TMEM178B: variants seen among roughly 807,000 people sequenced by gnomAD.
The protein encoded by TMEM178B is transmembrane protein 178B.
In TMEM178B, 5 loss-of-function variants were observed where a neutral mutation model predicts 31.0. The ratio of observed to expected loss-of-function variants is 0.16; its 90% CI spans 0.08 to 0.34. The LOEUF is 0.34. TMEM178B is among the 10% of genes least tolerant of loss of function. The pLI is 1.00. For synonymous variants in TMEM178B, 164 were observed against 164.0 expected, an observed-to-expected ratio of 1.00 and a Z score of 0.00; for missense variants, 275 against 400.3, an observed-to-expected ratio of 0.69 and a Z score of 2.67.
chr7:141,419,017 C>A (rs1456071032), intron 2 of TMEM178B, among the ~76,000 whole-genome samples: 1 of 152,178 alleles, frequency 6.6e-6, no homozygotes, highest in African/African-American at 2.4e-5. Flanking sequence ...AAGTGATTAT[C>A]CTGCCTCAGC....
intron 2 of TMEM178B, among the ~76,000 whole-genome samples, chr7:141,315,504 C>T (rs1179716006): frequency 6.7e-6 from 1 of 148,908 alleles, no homozygotes; most frequent in Non-Finnish European, 1.5e-5. Flanking sequence ...GCAAATCTTA[C>T]CCCTTCTTCA....
chr7:141,285,872 C>G (rs1271179550), intron 2 of TMEM178B, among the ~76,000 whole-genome samples: 2 of 152,138 alleles, frequency 1.3e-5, no homozygotes, highest in Non-Finnish European at 2.9e-5. Flanking sequence ...TGTTCTCACT[C>G]ATAAGTGGGA....
chr7:141,274,777 G>A (rs1234043729), intron 2 of TMEM178B, among the ~76,000 whole-genome samples: 1 of 152,172 alleles, frequency 6.6e-6, no homozygotes, highest in African/African-American at 2.4e-5. Context: ...ACATCCCTTT[G>A]GCCCCTGGGC....
chr7:141,295,980 A>T (rs531492963), intron 2 of TMEM178B, among the ~76,000 whole-genome samples: 1 of 152,176 alleles, frequency 6.6e-6, no homozygotes, highest in South Asian at 2.1e-4. Context: ...CAGCGCACAC[A>T]TGTCTCTTCT....
At chr7:141,425,412 C>T (rs1801294541) in intron 2 of TMEM178B, among the ~76,000 whole-genome samples, 1 of 152,168 alleles carries the variant, frequency 6.6e-6, no homozygotes, top group African/African-American at 2.4e-5. Flanking sequence ...GAAATGGAAG[C>T]TTCTTTGGGG....
chr7:141,111,630 G>C (rs1331844713), intron 1 of TMEM178B, among the ~76,000 whole-genome samples: 3 of 152,198 alleles, frequency 2.0e-5, no homozygotes, highest in Non-Finnish European at 2.9e-5. Context: ...TGTGAAGCCA[G>C]CTTGTGTAGA....
At chr7:141,406,653 G>A (rs1010218153) in intron 2 of TMEM178B, among the ~76,000 whole-genome samples, 1 of 152,224 alleles carries the variant, frequency 6.6e-6, no homozygotes, top group South Asian at 2.1e-4. Flanking sequence ...TGGCTGTGGT[G>A]CACTTAAAGT....
At chr7:141,492,217 C>T in the TMEM178B span, among the ~76,000 whole-genome samples, 7 of 152,282 alleles carry the variant, frequency 4.6e-5, no homozygotes, top group South Asian at 2.1e-4. Flanking sequence ...CCCTCTGCTG[C>T]GCACAGTCTC....
chr7:141,222,603 G>A (rs1238063004), intron 2 of TMEM178B, among the ~76,000 whole-genome samples: 2 of 152,184 alleles, frequency 1.3e-5, no homozygotes, highest in Admixed American at 1.3e-4. Context: ...GTCCCATACT[G>A]AGGTCCCATG....
intron 2 of TMEM178B, among the ~76,000 whole-genome samples, chr7:141,276,703 C>T (rs1798272266): frequency 6.6e-6 from 1 of 152,028 alleles, no homozygotes; most frequent in South Asian, 2.1e-4. Flanking sequence ...ACAGCCAAAC[C>T]ATATCAGTGT....
intron 1 of TMEM178B, among the ~76,000 whole-genome samples, chr7:141,165,685 T>G (rs1796249614): frequency 6.6e-6 from 1 of 152,238 alleles, no homozygotes; most frequent in Non-Finnish European, 1.5e-5. Context: ...ACAAAACTTC[T>G]GCTTTTACAG....
chr7:141,190,876 T>A (rs1403615899), intron 1 of TMEM178B, among the ~76,000 whole-genome samples: 1 of 152,216 alleles, frequency 6.6e-6, no homozygotes, highest in Non-Finnish European at 1.5e-5. Context: ...AGCATATACC[T>A]ATTCATCTAT....
intron 2 of TMEM178B, among the ~76,000 whole-genome samples, chr7:141,224,888 C>G (rs2129190310): frequency 6.6e-6 from 1 of 152,300 alleles, no homozygotes; most frequent in East Asian, 1.9e-4. Context: ...CCACATTGGG[C>G]ACTTCTTGGA....
intron 1 of TMEM178B, among the ~76,000 whole-genome samples, chr7:141,210,604 A>G (rs1251115756): frequency 1.3e-5 from 2 of 152,216 alleles, no homozygotes; most frequent in African/African-American, 4.8e-5. Context: ...GAACCCATAA[A>G]TAGGTTCCAG....
Position 141,476,866 on chromosome 7 carries a change from C to G in TMEM178B, c.*6080C>G, listed in dbSNP as rs1263354199. 1 of 154,864 alleles carries G rather than the reference C, an allele frequency of 6.5e-6. No homozygotes were observed. Among genetic ancestry groups the G allele is most frequent in the Non-Finnish European group, 1.5e-5 (1 of 68,250 alleles). 9.6% of individuals were successfully genotyped at this position (154,864 alleles called of 1,614,324 possible). A position where few individuals can be genotyped will look rare whatever the true frequency, so the allele number is the denominator to read the frequency against. ...AGCCCAGCTGGTAACGGGGGAGCCA[C>G]CCAACTGCAGGGGGGTGTATGTTCA... On this transcript the variant is annotated 3_prime_UTR_variant, in exon 4 of 4. Transcript: ENST00000565468.
intron 2 of TMEM178B, among the ~76,000 whole-genome samples, chr7:141,299,261 C>T (rs188401505): frequency 6.6e-6 from 1 of 152,206 alleles, no homozygotes; most frequent in Admixed American, 6.5e-5. Flanking sequence ...ACTGCAAACT[C>T]CGCATCCTAG....
intron 1 of TMEM178B, among the ~76,000 whole-genome samples, chr7:141,083,883 ATTT>A (rs57202199): frequency 2.7e-5 from 4 of 145,876 alleles, no homozygotes; most frequent in Non-Finnish European, 3.0e-5. Context: ...ATTCAGCAGA[ATTT>A]TTTTTTTTTT....
chr7:141,248,864 A>C (rs1279069525), intron 2 of TMEM178B, among the ~76,000 whole-genome samples: 1 of 152,218 alleles, frequency 6.6e-6, no homozygotes, highest in African/African-American at 2.4e-5. Flanking sequence ...TTTCTGCAAT[A>C]ATAAATTAAC....
At chr7:141,269,096 C>CTTT (rs34014878) in intron 2 of TMEM178B, among the ~76,000 whole-genome samples, 23 of 140,360 alleles carry the variant, frequency 1.6e-4, no homozygotes, top group African/African-American at 5.6e-4. Flanking sequence ...AATTTTTTTT[C>CTTT]TTTTTTTTTT....
Sources: gnomAD v4.1 joint callset for allele counts (sites outside exome capture counted in the v4.1 genomes callset) on GRCh38, gnomAD v4.1.1 for gene constraint, MANE v1.5 for transcripts, NCBI Gene and HGNC (gene_info 2026-07-23, HGNC 2026-07-21) for gene names.